Variants in GRIA3 observed in about 807,000 individuals in gnomAD.
GRIA3 encodes glutamate ionotropic receptor AMPA type subunit 3.
GRIA3 carries 3 observed loss-of-function variants against 63.0 expected under a neutral mutation model. The observed-to-expected ratio is 0.05, with a 90% CI of 0.02 to 0.12. The LOEUF (loss-of-function observed/expected upper bound fraction) is 0.12. GRIA3 is among the 10% of genes least tolerant of loss of function. The pLI is 1.00. For synonymous variants in GRIA3, 274 were observed against 257.9 expected, an observed-to-expected ratio of 1.06 and a Z score of -0.60; for missense variants, 347 against 700.9, an observed-to-expected ratio of 0.50 and a Z score of 5.70.
chrX:123,321,595 T>C (rs1470723900), intron 3 of GRIA3, among the ~76,000 whole-genome samples: 3 of 112,442 alleles, frequency 2.7e-5, no homozygotes, highest in Admixed American at 1.9e-4. Flanking sequence ...GTGTTCAGCA[T>C]GGAGCGGGTT....
intron 2 of GRIA3, among the ~76,000 whole-genome samples, chrX:123,206,683 C>T (rs1236751039): frequency 2.7e-5 from 3 of 111,063 alleles, no homozygotes; most frequent in African/African-American, 9.8e-5. Context: ...TTGGTACCCC[C>T]AACCTGTTCT....
At chrX:123,382,093 G>C (rs759068884) in intron 5 of GRIA3, among the ~76,000 whole-genome samples, 1 of 112,091 alleles carries the variant, frequency 8.9e-6, no homozygotes, top group South Asian at 3.7e-4. Context: ...TACACAAATG[G>C]GACAGAGGGA....
intron 5 of GRIA3, among the ~76,000 whole-genome samples, chrX:123,372,685 CA>C (rs759313039): frequency 1.4e-4 from 16 of 111,057 alleles, no homozygotes; most frequent in Non-Finnish European, 2.5e-4. Flanking sequence ...TCATTGTTGG[CA>C]TATAGAAATG....
chrX:123,276,711 C>G (rs750604563), intron 3 of GRIA3, among the ~76,000 whole-genome samples: 3 of 111,411 alleles, frequency 2.7e-5, no homozygotes, highest in African/African-American at 6.5e-5. Flanking sequence ...TAGCCTTAGT[C>G]TTTACATAAT....
At chrX:123,202,633 C>A (rs1183075386) in intron 2 of GRIA3, 4 of 1,164,122 alleles carry the variant, frequency 3.4e-6, no homozygotes, top group African/African-American at 3.6e-5. Context: ...GTCACCCCCA[C>A]AGGTCCTGCT....
chrX:123,272,304 T>C (rs368176113), intron 3 of GRIA3, among the ~76,000 whole-genome samples: 83 of 111,725 alleles, frequency 7.4e-4, no homozygotes, highest in Middle Eastern at 4.6e-3. Flanking sequence ...ACTAGATGCA[T>C]GGAGCCAAGT....
chrX:123,301,773 A>G (rs1448879698), intron 3 of GRIA3, among the ~76,000 whole-genome samples: 1 of 111,517 alleles, frequency 9.0e-6, no homozygotes, highest in East Asian at 2.8e-4. Flanking sequence ...GGAGAAGGAG[A>G]AAACTGTTCT....
chrX:123,461,257 G>A (rs947650015), intron 12 of GRIA3, among the ~76,000 whole-genome samples: 1 of 111,850 alleles, frequency 8.9e-6, no homozygotes, highest in Non-Finnish European at 1.9e-5. Context: ...AATTAATAAG[G>A]TATGGACTTT....
intron 3 of GRIA3, among the ~76,000 whole-genome samples, chrX:123,276,577 C>A (rs776810831): frequency 8.9e-6 from 1 of 111,844 alleles, no homozygotes; most frequent in Non-Finnish European, 1.9e-5. Flanking sequence ...ATGATCTAGG[C>A]GGTGTTACTG....
intron 15 of GRIA3, among the ~76,000 whole-genome samples, chrX:123,487,205 G>T (rs1292175094): frequency 2.7e-5 from 3 of 112,830 alleles, no homozygotes; most frequent in Non-Finnish European, 5.6e-5. Context: ...TGCACCCTAG[G>T]GTTGACTGTG....
chrX:123,264,772 G>A (rs977715213), intron 3 of GRIA3, among the ~76,000 whole-genome samples: 5 of 112,023 alleles, frequency 4.5e-5, no homozygotes, highest in African/African-American at 1.6e-4. Context: ...GGACGGGGTG[G>A]AGAAGAGGGC....
At chrX:123,286,571 G>A (rs1569414082) in intron 3 of GRIA3, among the ~76,000 whole-genome samples, 1 of 111,357 alleles carries the variant, frequency 9.0e-6, no homozygotes, top group Non-Finnish European at 1.9e-5. Context: ...AATAAAAACC[G>A]ATAAAGGGAC....
At chrX:123,250,619 T>C in intron 2 of GRIA3, among the ~76,000 whole-genome samples, 1 of 111,780 alleles carries the variant, frequency 8.9e-6, no homozygotes. Flanking sequence ...TGCCAGTTGG[T>C]ATGGATCTGA....
At chrX:123,199,135 G>A (rs1927654396) in intron 2 of GRIA3, among the ~76,000 whole-genome samples, 1 of 111,501 alleles carries the variant, frequency 9.0e-6, no homozygotes, top group Non-Finnish European at 1.9e-5. Flanking sequence ...GATTAAAAGA[G>A]AAATTTTGCT....
At position 123,184,306 on chromosome X, in the gene GRIA3, G is replaced by C. The variant is rs1041894834; in HGVS notation, c.-230G>C. On this transcript the variant is annotated 5_prime_UTR_variant, in exon 1 of 16. Transcript: ENST00000620443. The stretch of plus-strand genomic sequence containing the variant: ...AAAGGAAGAGAGAGCGAGCGAGAGA[G>C]AGCGAGCGAATAAGAGAGAGAGTAA... 2.9e-5 allele frequency: 12 copies of C among 415,024 alleles called. No homozygotes were observed. Among genetic ancestry groups the C allele is most frequent in the Non-Finnish European group, 5.0e-5 (12 of 238,146 alleles). The allele number at this position is 415,024 out of a possible 1,213,427, so 34.2% of individuals were successfully genotyped here.
chrX:123,369,925 C>T (rs1276594793), intron 5 of GRIA3, among the ~76,000 whole-genome samples: 4 of 111,343 alleles, frequency 3.6e-5, no homozygotes, highest in Admixed American at 2.9e-4. Flanking sequence ...GGACCAGGAA[C>T]CAGCCAACTT....
chrX:123,443,587 C>G (rs971781575), intron 12 of GRIA3, among the ~76,000 whole-genome samples: 8 of 111,689 alleles, frequency 7.2e-5, no homozygotes, highest in African/African-American at 2.6e-4. Flanking sequence ...GAGAGAAGCT[C>G]TCTCCTACTT....
chrX:123,357,917 C>T (rs190381803), intron 5 of GRIA3, among the ~76,000 whole-genome samples: 14 of 111,333 alleles, frequency 1.3e-4, no homozygotes, highest in Non-Finnish European at 2.3e-4. Flanking sequence ...AGTCCCTGTA[C>T]TCTATATCAA....
chrX:123,271,823 G>A lies in GRIA3; in HGVS notation c.508+18281G>A, dbSNP rs377435187. On this transcript the variant is annotated intron_variant, in intron 3 of 15. Coordinates refer to ENST00000620443, the MANE Select transcript of GRIA3 (RefSeq NM_007325.5). Reference sequence around the variant, plus strand: ...GCATTCCTAGTAAGTGGTGGAGCCAGTGCTAGACGCCCTGATTCCTAACTC... The same window carrying A: ...GCATTCCTAGTAAGTGGTGGAGCCAATGCTAGACGCCCTGATTCCTAACTC... Among the ~76,000 whole-genome samples the A allele has an allele frequency of 2.7e-5, 3 of 112,295 alleles. No individual in the cohort carries two copies. The East Asian group carries it at 8.4e-4, about 31-fold the overall frequency.
Sources: allele counts gnomAD v4.1 joint callset (sites outside exome capture counted in the v4.1 genomes callset), GRCh38; gene constraint gnomAD v4.1.1; transcripts MANE v1.5; gene names NCBI Gene and HGNC (gene_info 2026-07-23, HGNC 2026-07-21).